FGF14: variants seen among roughly 807,000 people sequenced by gnomAD.
FGF14 encodes the protein fibroblast growth factor homologous factor 4.
In FGF14, 5 loss-of-function variants were observed where a neutral mutation model predicts 25.5. The observed-to-expected ratio is 0.20, with a 90% confidence interval of 0.10 to 0.41. The LOEUF (loss-of-function observed/expected upper bound fraction) is 0.41. Ranked by LOEUF, FGF14 falls within the 10% of genes least tolerant of loss-of-function variation. FGF14 has a pLI of 1.00. For missense variants in FGF14, 222 were observed against 320.1 expected (o/e 0.69, Z 2.34); for synonymous variants, 138 against 118.3 (o/e 1.17, Z -1.08).
intron 1 of FGF14, among the ~76,000 whole-genome samples, chr13:102,334,288 C>T (rs750292835): frequency 3.9e-5 from 6 of 152,132 alleles, no homozygotes; most frequent in Non-Finnish European, 7.3e-5. Context: ...ATCTGATAGA[C>T]ATATAGGTGG....
At chr13:102,187,341 CTT>C (rs1368658774) in intron 1 of FGF14, among the ~76,000 whole-genome samples, 4 of 152,162 alleles carry the variant, frequency 2.6e-5, no homozygotes, top group African/African-American at 4.8e-5. Flanking sequence ...TTCATATACT[CTT>C]GTTTGAGAAA....
At chr13:101,969,503 A>G (rs1467408198) in intron 1 of FGF14, among the ~76,000 whole-genome samples, 1 of 152,198 alleles carries the variant, frequency 6.6e-6, no homozygotes, top group Non-Finnish European at 1.5e-5. Flanking sequence ...ATGCCTTCTA[A>G]ACATTATATT....
At chr13:101,878,864 T>TA (rs1199412893) in intron 1 of FGF14, among the ~76,000 whole-genome samples, 10 of 152,066 alleles carry the variant, frequency 6.6e-5, no homozygotes, top group Admixed American at 1.3e-4. Context: ...ATGTAATATG[T>TA]AAAAAAATGC....
chr13:102,120,456 G>A lies in FGF14; in HGVS notation c.209-245160C>T, dbSNP rs142579530. ...TTTGTTTCAGGGATTCAAAAGCTGGGACCCAGGGACACAGGACATAAGTAG... is the reference window on the plus strand; with the variant it reads ...TTTGTTTCAGGGATTCAAAAGCTGGAACCCAGGGACACAGGACATAAGTAG... On this transcript the variant is annotated intron_variant, in intron 1 of 4. Transcript: ENST00000376131. Among the ~76,000 whole-genome samples the A allele has an allele frequency of 4.6e-3, 707 of 152,290 alleles. 13 individuals are homozygous for A. The highest frequency in any genetic ancestry group is 0.016 in the African/African-American group (665 of 41,572).
chr13:101,763,052 C>T (rs2038130960), intron 3 of FGF14, among the ~76,000 whole-genome samples: 1 of 152,132 alleles, frequency 6.6e-6, no homozygotes, highest in South Asian at 2.1e-4. Context: ...TTTATCATCA[C>T]AAGGAAAGGC....
At chr13:102,155,929 G>A (rs1477321931) in intron 1 of FGF14, among the ~76,000 whole-genome samples, 5 of 151,822 alleles carry the variant, frequency 3.3e-5, no homozygotes, top group Admixed American at 2.6e-4. Flanking sequence ...TACATTCCTC[G>A]ACACATACAC....
chr13:102,230,398 G>A (rs1029207934), intron 1 of FGF14, among the ~76,000 whole-genome samples: 3 of 152,150 alleles, frequency 2.0e-5, no homozygotes, highest in African/African-American at 4.8e-5. Flanking sequence ...CTGTCTACCA[G>A]GGAATAGAAA....
chr13:102,007,040 G>A (rs146403645), intron 1 of FGF14, among the ~76,000 whole-genome samples: 2,448 of 152,130 alleles, frequency 0.016, 75 homozygotes, highest in African/African-American at 0.056. Context: ...CACCGCGCCC[G>A]GCCAAAATCT....
At chr13:101,857,665 A>T (rs1019304162) in intron 3 of FGF14, among the ~76,000 whole-genome samples, 10 of 152,040 alleles carry the variant, frequency 6.6e-5, no homozygotes, top group African/African-American at 2.4e-4. Flanking sequence ...TGGAACTCAC[A>T]TCTGTAGAAA....
At position 101,717,501 on chromosome 13, in the gene FGF14, A is replaced by C. The variant is rs1474865310; in HGVS notation, c.*5330T>G. ...AACCTATTATTATTGTTTTGTAGCAATTTTGATGACGTATTCGCTGATGCA... is the reference window on the plus strand; with the variant it reads ...AACCTATTATTATTGTTTTGTAGCACTTTTGATGACGTATTCGCTGATGCA... On this transcript the variant is annotated 3_prime_UTR_variant, in exon 5 of 5. Transcript: ENST00000376143. 1 of 152,116 alleles carries C rather than the reference A, an allele frequency of 6.6e-6. No homozygotes were observed. Among genetic ancestry groups the C allele is most frequent in the Non-Finnish European group, 1.5e-5 (1 of 68,002 alleles). 9.4% of individuals were successfully genotyped at this position (152,116 alleles called of 1,614,324 possible).
Position 102,318,466 on chromosome 13 carries a change from G to A in FGF14, c.208+83005C>T, listed in dbSNP as rs184103653. 5.6e-3 allele frequency among the ~76,000 whole-genome samples: 850 copies of A among 152,272 alleles called. 4 individuals carry two copies. Among genetic ancestry groups the A allele is most frequent in the Admixed American group, 9.0e-3 (138 of 15,292 alleles). On this transcript the variant is annotated intron_variant, in intron 1 of 4. Transcript: ENST00000376131. ...CTGGAAGTCTGAGATCAAGGTATTG[G>A]CAGAGTGGACTCTTTCTGAGAACTG...
chr13:102,276,946 A>G (rs1428935637), intron 1 of FGF14, among the ~76,000 whole-genome samples: 1 of 152,214 alleles, frequency 6.6e-6, no homozygotes, highest in African/African-American at 2.4e-5. Context: ...AATGGAGGCC[A>G]AGAAGCAAAA....
At position 101,799,168 on chromosome 13, in the gene FGF14, C is replaced by T. The variant is rs147585513; in HGVS notation, c.408+69557G>A. 3.7e-3 allele frequency among the ~76,000 whole-genome samples: 568 copies of T among 152,110 alleles called. 3 individuals are homozygous for T. Among genetic ancestry groups the T allele is most frequent in the African/African-American group, 0.012 (519 of 41,548 alleles). ...CAGCATAATTTGGCTTTTTCTTTACCTGAAGTCCATTTGGGAATGGGAGGT... is the reference window on the plus strand; with the variant it reads ...CAGCATAATTTGGCTTTTTCTTTACTTGAAGTCCATTTGGGAATGGGAGGT... On this transcript the variant is annotated intron_variant, in intron 3 of 4. Coordinates refer to ENST00000376143, the MANE Select transcript of FGF14 (RefSeq NM_004115.4).
intron 3 of FGF14, among the ~76,000 whole-genome samples, chr13:101,781,952 C>T (rs2039516816): frequency 6.6e-6 from 1 of 152,214 alleles, no homozygotes; most frequent in African/African-American, 2.4e-5. Flanking sequence ...TCCTTTCCAA[C>T]TTCCCTTGAA....
intron 1 of FGF14, among the ~76,000 whole-genome samples, chr13:102,335,720 A>G (rs968722208): frequency 6.6e-6 from 1 of 152,050 alleles, no homozygotes; most frequent in East Asian, 1.9e-4. Flanking sequence ...CTTTGTTACA[A>G]ATTGAAGGTT....
intron 1 of FGF14, among the ~76,000 whole-genome samples, chr13:101,949,758 C>A (rs1255174971): frequency 1.3e-5 from 2 of 152,158 alleles, no homozygotes; most frequent in African/African-American, 4.8e-5. Context: ...GCATTGCATC[C>A]ATTTTTGTTG....
At chr13:102,047,630 G>A (rs1213449362) in intron 1 of FGF14, among the ~76,000 whole-genome samples, 1 of 152,040 alleles carries the variant, frequency 6.6e-6, no homozygotes, top group Admixed American at 6.6e-5. Flanking sequence ...ATTGAACAAC[G>A]AGAACACATG....
At position 102,028,315 on chromosome 13, in the gene FGF14, C is replaced by T. The variant is rs144438748; in HGVS notation, c.209-153019G>A. On this transcript the variant is annotated intron_variant, in intron 1 of 4. Transcript: ENST00000376131. ...AGCTGTCACGAATGGAATTAGTATT[C>T]GCACTGGACTGGGCCTTTACAAAAA... Among the ~76,000 whole-genome samples, 673 of 152,104 alleles carry T rather than the reference C, an allele frequency of 4.4e-3. 6 individuals are homozygous for T. The highest frequency in any genetic ancestry group is 0.015 in the African/African-American group (627 of 41,526).
intron 1 of FGF14, among the ~76,000 whole-genome samples, chr13:102,161,677 A>AT (rs1566765666): frequency 0.042 from 2,624 of 61,820 alleles, 212 homozygotes; most frequent in African/African-American, 0.078. Flanking sequence ...GAAGAAGAAG[A>AT]AGAAGAAGAA....
Sources: allele counts gnomAD v4.1 joint callset (sites outside exome capture counted in the v4.1 genomes callset), GRCh38; gene constraint gnomAD v4.1.1; transcripts MANE v1.5; gene names NCBI Gene and HGNC (gene_info 2026-07-23, HGNC 2026-07-21).